The following RPS6KC1 variants were observed in gnomAD, a reference collection of about 807,000 sequenced individuals.
RPS6KC1 encodes ribosomal protein S6 kinase C1.
In RPS6KC1, 54 loss-of-function variants were observed where a neutral mutation model predicts 103.8. The ratio of observed to expected loss-of-function variants is 0.52; its 90% CI spans 0.42 to 0.65. The LOEUF is 0.65. Among genes scored for constraint, RPS6KC1 ranks in the 30% least tolerant of loss-of-function variants. The pLI is 0.00. For synonymous variants in RPS6KC1, 439 were observed against 438.7 expected (o/e 1.00, Z -0.01); for missense variants, 1,151 against 1,253.8 (o/e 0.92, Z 1.24).
chr1:213,856,473 C>A, the RPS6KC1 span, among the ~76,000 whole-genome samples: 3 of 150,882 alleles, frequency 2.0e-5, no homozygotes, highest in Non-Finnish European at 4.4e-5. Flanking sequence ...CCTTCCCTCC[C>A]TCCCTTCCCT....
the RPS6KC1 span, among the ~76,000 whole-genome samples, chr1:213,551,862 C>T: frequency 1.3e-5 from 2 of 152,186 alleles, no homozygotes; most frequent in African/African-American, 4.8e-5. Context: ...CCTATTCATC[C>T]CTTTCTCCCA....
intron 8 of RPS6KC1, among the ~76,000 whole-genome samples, chr1:213,196,812 A>G (rs919850538): frequency 6.6e-6 from 1 of 151,836 alleles, no homozygotes; most frequent in African/African-American, 2.4e-5. Flanking sequence ...CTTTATTTCT[A>G]AGTTCCATTG....
the RPS6KC1 span, among the ~76,000 whole-genome samples, chr1:213,648,027 C>T: frequency 6.6e-6 from 1 of 152,136 alleles, no homozygotes; most frequent in Admixed American, 6.5e-5. Flanking sequence ...ATCATGGCAA[C>T]CACCAACAAC....
the RPS6KC1 span, among the ~76,000 whole-genome samples, chr1:213,610,694 G>A: frequency 1.3e-5 from 2 of 152,150 alleles, no homozygotes; most frequent in Non-Finnish European, 2.9e-5. Flanking sequence ...TTGTTTAAGG[G>A]GCTTCCCTCA....
the RPS6KC1 span, among the ~76,000 whole-genome samples, chr1:213,823,124 C>A: frequency 6.6e-6 from 1 of 152,212 alleles, no homozygotes; most frequent in Non-Finnish European, 1.5e-5. Context: ...ACTTCCTCTG[C>A]CTCTGGCACT....
chr1:213,719,904 C>G, the RPS6KC1 span, among the ~76,000 whole-genome samples: 1 of 152,158 alleles, frequency 6.6e-6, no homozygotes, highest in Non-Finnish European at 1.5e-5. Flanking sequence ...ACGTGATATA[C>G]TCTGATATTT....
chr1:213,326,434 T>G, the RPS6KC1 span, among the ~76,000 whole-genome samples: 1 of 152,232 alleles, frequency 6.6e-6, no homozygotes, highest in East Asian at 1.9e-4. Context: ...TGTATGCAGT[T>G]CTGGTGATTC....
intron 12 of RPS6KC1, among the ~76,000 whole-genome samples, chr1:213,245,385 C>G (rs926915042): frequency 2.6e-5 from 4 of 152,140 alleles, no homozygotes; most frequent in African/African-American, 9.7e-5. Flanking sequence ...CTCCCTCTTA[C>G]TTCCCAAGTC....
chr1:213,518,463 G>C, the RPS6KC1 span, among the ~76,000 whole-genome samples: 3 of 152,218 alleles, frequency 2.0e-5, no homozygotes, highest in South Asian at 6.2e-4. Context: ...GCCACCAGAA[G>C]CTGGAAGAAG....
chr1:213,736,031 G>T, the RPS6KC1 span, among the ~76,000 whole-genome samples: 1 of 152,200 alleles, frequency 6.6e-6, no homozygotes, highest in African/African-American at 2.4e-5. Flanking sequence ...CACTTTCTTG[G>T]TAGGGATGCC....
chr1:213,230,304 A>G (rs996718366), intron 8 of RPS6KC1, among the ~76,000 whole-genome samples, 193 bp from the exon 9 acceptor site: 7 of 152,224 alleles, frequency 4.6e-5, no homozygotes, highest in Non-Finnish European at 1.0e-4. Context: ...AAAGGAAACC[A>G]TAATAAAACC....
chr1:213,691,211 A>G, the RPS6KC1 span, among the ~76,000 whole-genome samples: 6 of 152,324 alleles, frequency 3.9e-5, no homozygotes, highest in Middle Eastern at 3.4e-3. Context: ...GCCAATCTAA[A>G]ACTGGCGATC....
At chr1:213,475,706 T>C in the RPS6KC1 span, among the ~76,000 whole-genome samples, 7 of 152,076 alleles carry the variant, frequency 4.6e-5, no homozygotes, top group African/African-American at 1.7e-4. Context: ...CTTCCAGGAC[T>C]AGATGACTGC....
At chr1:213,071,835 G>C (rs2078911320) in intron 2 of RPS6KC1, among the ~76,000 whole-genome samples, 1 of 151,964 alleles carries the variant, frequency 6.6e-6, no homozygotes, top group Non-Finnish European at 1.5e-5. Context: ...AAGTTAGTAA[G>C]TTCTTTTGCA....
the RPS6KC1 span, among the ~76,000 whole-genome samples, chr1:213,714,386 A>T: frequency 5.2e-4 from 79 of 152,394 alleles, no homozygotes; most frequent in Middle Eastern, 6.8e-3. Flanking sequence ...AGTCATTTTC[A>T]TACCAGTAGA....
chr1:213,445,652 C>G, the RPS6KC1 span, among the ~76,000 whole-genome samples: 1 of 152,142 alleles, frequency 6.6e-6, no homozygotes, highest in African/African-American at 2.4e-5. Flanking sequence ...AACAGACTAG[C>G]CTGTGCTTTA....
intron 6 of RPS6KC1, among the ~76,000 whole-genome samples, chr1:213,143,164 A>C (rs776321356): frequency 2.6e-5 from 4 of 152,010 alleles, no homozygotes; most frequent in Non-Finnish European, 5.9e-5. Flanking sequence ...AGTAGATTCA[A>C]TTTCTTTAGT....
chr1:213,144,222 G>A (rs752080998), intron 6 of RPS6KC1, among the ~76,000 whole-genome samples: 1 of 152,060 alleles, frequency 6.6e-6, no homozygotes, highest in Admixed American at 6.6e-5. Flanking sequence ...TTACTTAGAA[G>A]TATGTCATAA....
chr1:213,239,516 T>G (rs1417599605), intron 10 of RPS6KC1, among the ~76,000 whole-genome samples: 1 of 152,030 alleles, frequency 6.6e-6, no homozygotes, highest in African/African-American at 2.4e-5. Flanking sequence ...AAATGAAATG[T>G]GAAGTAGGAA....
Sources: gnomAD v4.1 joint callset for allele counts (sites outside exome capture counted in the v4.1 genomes callset) on GRCh38, gnomAD v4.1.1 for gene constraint, MANE v1.5 for transcripts, NCBI Gene and HGNC (gene_info 2026-07-23, HGNC 2026-07-21) for gene names.